MGAT5B: variants seen among roughly 807,000 people sequenced by gnomAD.
The protein encoded by MGAT5B is N-acetylglucosaminyl-transferase Vb.
MGAT5B carries 54 observed loss-of-function variants against 95.1 expected under a neutral mutation model. That is an observed-to-expected ratio of 0.57 (90% confidence interval 0.46 to 0.71). MGAT5B has a LOEUF of 0.71. Ranked by LOEUF, MGAT5B falls within the 30% of genes least tolerant of loss-of-function variation. The pLI is 0.00. For missense variants in MGAT5B, 935 were observed against 1,088.6 expected, an observed-to-expected ratio of 0.86 and a Z score of 1.99; for synonymous variants, 464 against 451.0, an observed-to-expected ratio of 1.03 and a Z score of -0.36.
intron 3 of MGAT5B, among the ~76,000 whole-genome samples, chr17:76,887,221 C>T (rs1967666022): frequency 6.6e-6 from 1 of 152,160 alleles, no homozygotes; most frequent in Non-Finnish European, 1.5e-5. Flanking sequence ...CCTTCTCTCC[C>T]AGCCCCCATC....
chr17:76,897,659 C>CTCTTTCTTTCTTTCTTTCTT (rs1567800041), intron 3 of MGAT5B, among the ~76,000 whole-genome samples: 4 of 108,970 alleles, frequency 3.7e-5, no homozygotes, highest in Non-Finnish European at 6.2e-5. Flanking sequence ...CAAGTAAGGC[C>CTCTTTCTTTCTTTCTTTCTT]ACTTTCTTTC....
Position 76,940,734 on chromosome 17 carries a change from G to A in MGAT5B, c.1734G>A (p.Val578=), listed in dbSNP as rs1350016453. The change falls in exon 15 of 18, where the codon GTG becomes GTA. Residue 578 remains valine, a splice_region_variant and synonymous_variant. Transcript: ENST00000569840. The surrounding 1 kb of genome is among the most constrained non-coding windows in gnomAD (Gnocchi z 4.3). ...TGCAATCTCTGTACCCTTGCCAGGTGTTCTCCCAGCATCCCTACGCGGAGA... is the reference window on the plus strand; with the variant it reads ...TGCAATCTCTGTACCCTTGCCAGGTATTCTCCCAGCATCCCTACGCGGAGA... ...FFRGKPTSRE[V]FSQHPYAENF... The A allele has an allele frequency of 3.7e-6, 6 of 1,613,970 alleles. No homozygotes were observed. The African/African-American group carries it at 8.0e-5, about 22-fold the overall frequency.
rs183530578 is a variant in MGAT5B at position 76,905,914 on chromosome 17, G to C, written c.856-104G>C. The stretch of plus-strand genomic sequence containing the variant: ...AAAGCACCTGCTGGGGCCCAGCCTG[G>C]AGACAGGGTCTGCTGCCGGCTGGTC... On this transcript the variant is annotated intron_variant, in intron 7 of 17. Transcript: ENST00000569840. This position sits in a 1 kb window ranked among gnomAD's most constrained non-coding sequence, Gnocchi z 4.2. 7.6e-7 allele frequency: 1 copy of C among 1,309,008 alleles called. No homozygotes were observed. The highest frequency in any genetic ancestry group is 1.5e-5 in the African/African-American group (1 of 65,724). The allele number at this position is 1,309,008 out of a possible 1,614,324, so 81.1% of individuals were successfully genotyped here. A position where few individuals can be genotyped will look rare whatever the true frequency, so the allele number is the denominator to read the frequency against.
intron 10 of MGAT5B, among the ~76,000 whole-genome samples, chr17:76,927,902 T>A (rs1459181150): frequency 1.3e-5 from 2 of 152,244 alleles, no homozygotes; most frequent in Non-Finnish European, 2.9e-5. Flanking sequence ...ACGTAGACTC[T>A]GAGCAGAGTC....
intron 12 of MGAT5B, among the ~76,000 whole-genome samples, chr17:76,935,731 T>G (rs1486040807): frequency 6.8e-6 from 1 of 146,888 alleles, no homozygotes; most frequent in Non-Finnish European, 1.5e-5. Context: ...AAGTCTCGTA[T>G]CAAATATATG....
At chr17:76,913,196 G>A (rs1968805056) in intron 8 of MGAT5B, among the ~76,000 whole-genome samples, 1 of 152,224 alleles carries the variant, frequency 6.6e-6, no homozygotes, top group Non-Finnish European at 1.5e-5. Flanking sequence ...CCAAAGGAAA[G>A]GCTGGGGAGG....
At position 76,938,238 on chromosome 17, in the gene MGAT5B, C is replaced by A; in HGVS notation, c.1584+95C>A. ...GCCACCACCACTCAGGCCCCTTCCA[C>A]ATATGGACATACCCCAGCATGCTCT... is the stretch of plus-strand genomic sequence containing the variant. On this transcript the variant is annotated intron_variant, in intron 13 of 17. Coordinates refer to ENST00000569840, the MANE Select transcript of MGAT5B (RefSeq NM_001199172.2). The surrounding 1 kb of genome is among the most constrained non-coding windows in gnomAD (Gnocchi z 4.3). 1 of 1,464,938 alleles carries A rather than the reference C, an allele frequency of 6.8e-7. No homozygotes were observed. The highest frequency in any genetic ancestry group is 9.3e-7 in the Non-Finnish European group (1 of 1,069,616). The allele number at this position is 1,464,938 out of a possible 1,614,324, so 90.7% of individuals were successfully genotyped here.
chr17:76,948,059 TC>T lies in MGAT5B; in HGVS notation c.2155del (p.Leu719Ter). The T allele has an allele frequency of 6.2e-7, 1 of 1,610,084 alleles. No individual in the cohort carries two copies. The highest frequency in any genetic ancestry group is 8.5e-7 in the Non-Finnish European group (1 of 1,178,020). ...GLICEPSFFP[F>X]LNSQDAFLKL... ...ATCTGTGAGCCCTCCTTCTTCCCCT[TC>T]CTGAACAGCCAGGACGCCTTCCTCA... is the stretch of plus-strand genomic sequence containing the variant. On this transcript the variant is annotated frameshift_variant, in exon 17 of 18. Transcript: ENST00000569840. LOFTEE classifies it high-confidence loss of function.
At position 76,925,041 on chromosome 17, in the gene MGAT5B, C is replaced by T; in HGVS notation, c.1101C>T (p.Asp367=). 1 of 1,611,634 alleles carries T rather than the reference C, an allele frequency of 6.2e-7. No homozygotes were observed. Among genetic ancestry groups the T allele is most frequent in the Non-Finnish European group, 8.5e-7 (1 of 1,179,394 alleles). ...TGCCCTTCGACCTCATCTACACCGA[C>T]TACCACGGCCTGCAGCAGATGAAGC... ...MPLPFDLIYT[D]YHGLQQMKRH... is the part of the protein sequence containing the mutation. The change falls in exon 9 of 18, where the codon GAC becomes GAT. Residue 367 remains aspartate (D), a synonymous_variant. Coordinates refer to ENST00000569840, the MANE Select transcript of MGAT5B (RefSeq NM_001199172.2).
At chr17:76,891,587 C>T (rs1046194693) in intron 3 of MGAT5B, among the ~76,000 whole-genome samples, 2 of 152,210 alleles carry the variant, frequency 1.3e-5, no homozygotes, top group African/African-American at 4.8e-5. Flanking sequence ...ACCATGTTGC[C>T]CAGGGTGGTC....
Position 76,905,483 on chromosome 17 carries a change from T to G in MGAT5B, c.855+150T>G. ...AGGGGTAGGGATGGCAGAGTCGGGA[T>G]AGATGTCTGTGGTGGTGGCCCCTGG... On this transcript the variant is annotated intron_variant, in intron 7 of 17. Coordinates refer to ENST00000569840, the MANE Select transcript of MGAT5B (RefSeq NM_001199172.2). The surrounding 1 kb of genome is among the most constrained non-coding windows in gnomAD (Gnocchi z 4.2). 17 of 766,198 alleles carry G rather than the reference T, an allele frequency of 2.2e-5. No homozygotes were observed. Among genetic ancestry groups the G allele is most frequent in the East Asian group, 2.8e-5 (1 of 35,736 alleles). The allele number at this position is 766,198 out of a possible 1,614,324, so 47.5% of individuals were successfully genotyped here. A position where few individuals can be genotyped will look rare whatever the true frequency, so the allele number is the denominator to read the frequency against.
intron 8 of MGAT5B, among the ~76,000 whole-genome samples, chr17:76,923,169 C>T (rs1014862889): frequency 7.2e-5 from 11 of 152,214 alleles, no homozygotes; most frequent in African/African-American, 1.2e-4. Context: ...ATGCGCAAAG[C>T]GAGCATGCAC....
intron 3 of MGAT5B, among the ~76,000 whole-genome samples, chr17:76,893,939 C>G (rs147888105): frequency 1.1e-4 from 16 of 152,288 alleles, no homozygotes; most frequent in Admixed American, 3.9e-4. Flanking sequence ...TCTCAGAGCC[C>G]ACCTGTTGGC....
intron 12 of MGAT5B, 131 bp downstream of exon 12, chr17:76,933,428 G>A: frequency 8.5e-7 from 1 of 1,180,792 alleles, no homozygotes; most frequent in Non-Finnish European, 1.2e-6. Context: ...TCCTGTGGAT[G>A]GACCAAGGTG....
chr17:76,869,163 T>A lies in MGAT5B; in HGVS notation c.68+66T>A. On this transcript the variant is annotated intron_variant, in intron 1 of 17. Transcript: ENST00000569840. This position sits in a 1 kb window ranked among gnomAD's most constrained non-coding sequence, Gnocchi z 7.0. Reference sequence around the variant, plus strand: ...CCGGGTGGAGGTGGGCGAGGTCGGTTCCTGCGAACGTTCAAGTCCTGGTGG... The same window carrying A: ...CCGGGTGGAGGTGGGCGAGGTCGGTACCTGCGAACGTTCAAGTCCTGGTGG... 7.1e-7 allele frequency: 1 copy of A among 1,416,974 alleles called. No individual in the cohort carries two copies. The allele number at this position is 1,416,974 out of a possible 1,614,324, so 87.8% of individuals were successfully genotyped here.
At chr17:76,932,093 C>CT (rs1209335419) in intron 10 of MGAT5B, among the ~76,000 whole-genome samples, 2 of 137,728 alleles carry the variant, frequency 1.5e-5, no homozygotes, top group East Asian at 4.4e-4. Flanking sequence ...CCTCCCCCCC[C>CT]CCTTCTTCGT....
At chr17:76,883,220 G>A (rs1967500912) in intron 3 of MGAT5B, among the ~76,000 whole-genome samples, 2 of 151,780 alleles carry the variant, frequency 1.3e-5, no homozygotes, top group Non-Finnish European at 2.9e-5. Context: ...GGCTGGTCTC[G>A]AACTCCTGAC....
At chr17:76,942,653 G>A (rs567975312) in intron 15 of MGAT5B, among the ~76,000 whole-genome samples, 1 of 152,336 alleles carries the variant, frequency 6.6e-6, no homozygotes, top group African/African-American at 2.4e-5. Context: ...CCAGGAAGGA[G>A]GCCTTAGGTA....
intron 2 of MGAT5B, among the ~76,000 whole-genome samples, chr17:76,881,693 G>A (rs939735029): frequency 1.3e-5 from 2 of 152,324 alleles, no homozygotes; most frequent in Non-Finnish European, 2.9e-5. Context: ...TGGGTGATTG[G>A]CCACACTTCT....
Sources: allele counts gnomAD v4.1 joint callset (sites outside exome capture counted in the v4.1 genomes callset), GRCh38; gene constraint gnomAD v4.1.1; non-coding constraint Gnocchi (gnomAD v3.1); transcripts MANE v1.5; gene names NCBI Gene and HGNC (gene_info 2026-07-23, HGNC 2026-07-21).